Variants in FPGT observed in about 807,000 individuals in gnomAD.
FPGT encodes GDP-L-fucose diphosphorylase.
A neutral mutation model predicts 45.8 loss-of-function variants in FPGT; 41 were observed. The ratio of observed to expected loss-of-function variants is 0.90; its 90% CI spans 0.70 to 1.16. The LOEUF is 1.16. Ranked by LOEUF, FPGT falls within the 50% of genes most tolerant of loss-of-function variation. FPGT has a pLI of 0.00. For synonymous variants in FPGT, 292 were observed against 247.2 expected (o/e 1.18, Z -1.70); for missense variants, 755 against 689.1 (o/e 1.10, Z -1.07).
rs535570007 is a variant in FPGT at position 74,205,837 on chromosome 1, A to G, written c.*5A>G. On this transcript the variant is annotated 3_prime_UTR_variant, in exon 4 of 4. Coordinates refer to ENST00000370898, the MANE Select transcript of FPGT (RefSeq NM_003838.5). ...TTAAAAAGCAGTTTGATGTAGAGAT[A>G]TTTTAAATATTGTACACTTTGCCTT... 5 of 1,459,916 alleles carry G rather than the reference A, an allele frequency of 3.4e-6. No individual in the cohort carries two copies. Among genetic ancestry groups the G allele is most frequent in the Non-Finnish European group, 4.7e-6 (5 of 1,060,076 alleles). The allele number at this position is 1,459,916 out of a possible 1,614,324, so 90.4% of individuals were successfully genotyped here. A position where few individuals can be genotyped will look rare whatever the true frequency, so the allele number is the denominator to read the frequency against.
chr1:74,205,918 T>A lies in FPGT; in HGVS notation c.*86T>A. 1.4e-6 allele frequency: 1 copy of A among 730,926 alleles called. No homozygotes were observed. The highest frequency in any genetic ancestry group is 2.3e-6 in the Non-Finnish European group (1 of 437,564). 45.3% of individuals were successfully genotyped at this position (730,926 alleles called of 1,614,324 possible). A position where few individuals can be genotyped will look rare whatever the true frequency, so the allele number is the denominator to read the frequency against. On this transcript the variant is annotated 3_prime_UTR_variant, in exon 4 of 4. Transcript: ENST00000370898. ...TTGTAGGCTGTTTCACTGAACTCAGTTAATGAAAACTGTATTAACATAATT... is the reference window on the plus strand; with the variant it reads ...TTGTAGGCTGTTTCACTGAACTCAGATAATGAAAACTGTATTAACATAATT...
chr1:74,206,674 A>G lies in FPGT; in HGVS notation c.*842A>G, dbSNP rs1652309723. 6.6e-6 allele frequency: 1 copy of G among 152,068 alleles called. No homozygotes were observed. Among genetic ancestry groups the G allele is most frequent in the South Asian group, 2.1e-4 (1 of 4,836 alleles). The allele number at this position is 152,068 out of a possible 1,614,324, so 9.4% of individuals were successfully genotyped here. A position where few individuals can be genotyped will look rare whatever the true frequency, so the allele number is the denominator to read the frequency against. On this transcript the variant is annotated 3_prime_UTR_variant, in exon 4 of 4. Transcript: ENST00000370898. ...ATGAACTGACTTTAGTTTTCATCTT[A>G]TTTTTTGTCCACATGCTGGTGATGC...
At chr1:74,198,388 T>C (rs983319531) in intron 1 of FPGT, 28 bp downstream of exon 1, 3 of 1,613,290 alleles carry the variant, frequency 1.9e-6, no homozygotes, top group South Asian at 2.2e-5. Context: ...GGAGTTCTCC[T>C]GGGCAATGCA....
chr1:74,207,054 ATTG>A lies in FPGT; in HGVS notation c.*1225_*1227del, dbSNP rs1652340631. On this transcript the variant is annotated 3_prime_UTR_variant, in exon 4 of 4. Coordinates refer to ENST00000370898, the MANE Select transcript of FPGT (RefSeq NM_003838.5). Reference sequence around the variant, plus strand: ...GAGAAGATACAAATATATGGTAGCTATTGTTTAAAAATGATTGATTTACTTGCA... The same window carrying A: ...GAGAAGATACAAATATATGGTAGCTATTTAAAAATGATTGATTTACTTGCA... 6.6e-6 allele frequency: 1 copy of A among 151,924 alleles called. No homozygotes were observed. Among genetic ancestry groups the A allele is most frequent in the Non-Finnish European group, 1.5e-5 (1 of 67,910 alleles). 9.4% of individuals were successfully genotyped at this position (151,924 alleles called of 1,614,324 possible). A position where few individuals can be genotyped will look rare whatever the true frequency, so the allele number is the denominator to read the frequency against.
Position 74,204,431 on chromosome 1 carries a change from A to G in FPGT, c.384A>G (p.Gly128=). Residue 128 remains glycine (G), a synonymous_variant, in exon 4 of 4, where the codon GGA becomes GGG. Coordinates refer to ENST00000370898, the MANE Select transcript of FPGT (RefSeq NM_003838.5). Reference sequence around the variant, plus strand: ...GACTTCCAAATGCAAGTGCTCTGGGAAAAATTTTCACTGCTTTACCTCTTG... The same window carrying G: ...GACTTCCAAATGCAAGTGCTCTGGGGAAAATTTTCACTGCTTTACCTCTTG... ...SQRLPNASAL[G]KIFTALPLGN... 1.3e-6 allele frequency: 2 copies of G among 1,597,852 alleles called. No homozygotes were observed. The highest frequency in any genetic ancestry group is 1.7e-6 in the Non-Finnish European group (2 of 1,171,716).
intron 3 of FPGT, among the ~76,000 whole-genome samples, chr1:74,203,487 G>T (rs1311778070): frequency 1.3e-5 from 2 of 151,780 alleles, no homozygotes; most frequent in East Asian, 3.9e-4. Flanking sequence ...CGCCTCCCGG[G>T]TTCACGCCAT....
At chr1:74,203,848 C>A (rs993068004) in intron 3 of FPGT, among the ~76,000 whole-genome samples, 4 of 151,814 alleles carry the variant, frequency 2.6e-5, no homozygotes. Flanking sequence ...TTGAGACCAG[C>A]CTGGCCAACA....
chr1:74,200,941 T>C (rs1651737823), intron 2 of FPGT: 1 of 158,332 alleles, frequency 6.3e-6, no homozygotes. Flanking sequence ...GTGTTTTTGA[T>C]TGTGTCATTT....
chr1:74,199,474 T>A (rs1454452372), intron 1 of FPGT, among the ~76,000 whole-genome samples, 190 bp from the exon 2 acceptor site: 3 of 152,212 alleles, frequency 2.0e-5, no homozygotes, highest in Non-Finnish European at 4.4e-5. Context: ...TTGTGAACAG[T>A]CTTCATTATA....
Position 74,204,691 on chromosome 1 carries a change from A to G in FPGT, c.644A>G (p.Lys215Arg). The stretch of plus-strand genomic sequence containing the variant: ...GTCTTAGATCCTTTTGATGATTTAA[A>G]ACATAGAGACCTTGAATACAGGTCT... ...VFVLDPFDDL[K>R]HRDLEYRSCH... is the part of the protein sequence containing the mutation. Residue 215 changes from lysine to arginine, a missense_variant, in exon 4 of 4, where the codon AAA (lysine) becomes AGA (arginine). Coordinates refer to ENST00000370898, the MANE Select transcript of FPGT (RefSeq NM_003838.5). 1 of 1,613,182 alleles carries G rather than the reference A, an allele frequency of 6.2e-7. No homozygotes were observed. Among genetic ancestry groups the G allele is most frequent in the Non-Finnish European group, 8.5e-7 (1 of 1,179,160 alleles).
intron 3 of FPGT, among the ~76,000 whole-genome samples, chr1:74,202,207 T>A (rs975502384): frequency 6.6e-6 from 1 of 152,232 alleles, no homozygotes; most frequent in Non-Finnish European, 1.5e-5. Context: ...ATGAAAACCT[T>A]TGTTGTTTTT....
chr1:74,206,030 T>C lies in FPGT; in HGVS notation c.*198T>C, dbSNP rs533409144. ...AAGACTAAGTTGAGAAAAGAGATAC[T>C]ATTTTGGATGTGTATCAGTATTTTT... On this transcript the variant is annotated 3_prime_UTR_variant, in exon 4 of 4. Transcript: ENST00000370898. The C allele has an allele frequency of 8.1e-5, 35 of 433,760 alleles. No homozygotes were observed. Among genetic ancestry groups the C allele is most frequent in the African/African-American group, 3.1e-4 (15 of 49,114 alleles). 26.9% of individuals were successfully genotyped at this position (433,760 alleles called of 1,614,324 possible).
rs1344989161 is a variant in FPGT, at chr1:74,199,672, G to A, written c.91G>A (p.Val31Ile). 7 of 1,611,226 alleles carry A rather than the reference G, an allele frequency of 4.3e-6. No homozygotes were observed. The highest frequency in any genetic ancestry group is 5.9e-6 in the Non-Finnish European group (7 of 1,179,110). The change falls in exon 2 of 4, where the codon GTA becomes ATA. Residue 31 changes from valine (V) to isoleucine (I), a missense_variant. Val to Ile is a conservative substitution (Grantham distance 29). Transcript: ENST00000370898. ...RRFSELRGKL[V>I]ARGEFWDIVA... is the part of the protein sequence containing the mutation. The stretch of plus-strand genomic sequence containing the variant: ...TTGCTTTTTCCAAATAGGCAAACTT[G>A]TAGCACGTGGAGAATTCTGGGACAT...
At chr1:74,201,731 T>C (rs1651821309) in intron 3 of FPGT, among the ~76,000 whole-genome samples, 1 of 152,192 alleles carries the variant, frequency 6.6e-6, no homozygotes. Context: ...TTCTCGGGAA[T>C]ACTTTAATGG....
chr1:74,204,927 C>G lies in FPGT; in HGVS notation c.880C>G (p.Leu294Val). ...LLAFYEKIGT[L>V]SCEIDAYGDF... ...TGCTTTTTATGAAAAAATAGGCACA[C>G]TGAGCTGTGAAATAGATGCCTATGG... Residue 294 changes from leucine (L) to valine (V), a missense_variant, in exon 4 of 4, where the codon CTG becomes GTG. Transcript: ENST00000370898. 1 of 1,613,962 alleles carries G rather than the reference C, an allele frequency of 6.2e-7. No homozygotes were observed. The highest frequency in any genetic ancestry group is 8.5e-7 in the Non-Finnish European group (1 of 1,179,916).
At chr1:74,199,930 T>G in intron 2 of FPGT, 99 bp downstream of exon 2, 368 of 1,245,742 alleles carry the variant, frequency 3.0e-4, no homozygotes, top group Middle Eastern at 6.1e-4. Flanking sequence ...TGCATATCTC[T>G]ACCCACAGCT....
chr1:74,198,366 A>G lies in FPGT; in HGVS notation c.82+6A>G, dbSNP rs181548075. 4.4e-4 allele frequency: 715 copies of G among 1,614,128 alleles called. 3 individuals carry two copies. In the African/African-American group the frequency reaches 8.6e-3, roughly 19 times the overall value. On this transcript the variant is annotated splice_donor_region_variant and intron_variant, in intron 1 of 3. Coordinates refer to ENST00000370898, the MANE Select transcript of FPGT (RefSeq NM_003838.5). Reference sequence around the variant, plus strand: ...GAGGTTTTCCGAGCTAAGAGGTACCAGAGAAGGCACCGGAGTTCTCCTGGG... The same window carrying G: ...GAGGTTTTCCGAGCTAAGAGGTACCGGAGAAGGCACCGGAGTTCTCCTGGG...
Position 74,208,315 on chromosome 1 carries a change from TAAG to T in FPGT, c.*2487_*2489del, listed in dbSNP as rs1330698481. 2.6e-5 allele frequency among the ~76,000 whole-genome samples: 4 copies of T among 152,184 alleles called. No individual in the cohort carries two copies. The highest frequency in any genetic ancestry group is 7.2e-5 in the African/African-American group (3 of 41,546). ...TGATAGAGGAGAAGTGTGTTTTTGA[TAAG>T]AAGTGACTAAATTTTGTGACAATCT... On this transcript the variant is annotated 3_prime_UTR_variant, in exon 4 of 4. Transcript: ENST00000370898.
intron 3 of FPGT, 127 bp from the exon 4 acceptor site, chr1:74,204,264 G>A (rs1652070328): frequency 3.7e-6 from 2 of 534,954 alleles, no homozygotes; most frequent in Non-Finnish European, 6.3e-6. Context: ...GCAGTAACAA[G>A]TGGCATATAT....
Sources: gnomAD v4.1 joint callset for allele counts (sites outside exome capture counted in the v4.1 genomes callset) on GRCh38, gnomAD v4.1.1 for gene constraint, MANE v1.5 for transcripts, NCBI Gene and HGNC (gene_info 2026-07-23, HGNC 2026-07-21) for gene names.